The following FBXW12 variants were observed in gnomAD, a reference collection of about 807,000 sequenced individuals.
FBXW12 encodes F-box/WD repeat-containing protein 12.
Under a neutral mutation model 55.3 loss-of-function variants are expected in FBXW12, and 43 were observed. The ratio of observed to expected loss-of-function variants is 0.78; its 90% CI spans 0.61 to 1.00. The LOEUF is 1.00. Among genes scored for constraint, FBXW12 ranks in the 50% least tolerant of loss-of-function variants. FBXW12 has a pLI of 0.00. For missense variants in FBXW12, 524 were observed against 560.5 expected, an observed-to-expected ratio of 0.93 and a Z score of 0.66; for synonymous variants, 184 against 203.8, an observed-to-expected ratio of 0.90 and a Z score of 0.83.
intron 6 of FBXW12, among the ~76,000 whole-genome samples, chr3:48,379,101 A>G (rs1240620743): frequency 1.3e-5 from 2 of 152,212 alleles, no homozygotes; most frequent in Non-Finnish European, 2.9e-5. Flanking sequence ...TGTCCAGTCC[A>G]TGAACTTGGT....
At chr3:48,393,328 G>C (rs545212269) in intron 10 of FBXW12, among the ~76,000 whole-genome samples, 1 of 152,082 alleles carries the variant, frequency 6.6e-6, no homozygotes, top group Non-Finnish European at 1.5e-5. Context: ...TCAGTGCACC[G>C]GGGGAGATAG....
At chr3:48,393,769 A>AT (rs1384091406) in intron 10 of FBXW12, among the ~76,000 whole-genome samples, 3 of 138,054 alleles carry the variant, frequency 2.2e-5, no homozygotes, top group African/African-American at 8.3e-5. Context: ...ATGAGAAAAT[A>AT]TTTTTTTTCT....
chr3:48,392,450 C>CAAAAAAAAAA (rs33965777), intron 10 of FBXW12, among the ~76,000 whole-genome samples: 2 of 72,676 alleles, frequency 2.8e-5, no homozygotes, highest in Non-Finnish European at 4.9e-5. Context: ...CACTCAGTCT[C>CAAAAAAAAAA]AAAAAAAAAA....
Position 48,384,871 on chromosome 3 carries a change from A to G in FBXW12, c.1295+2786A>G, listed in dbSNP as rs186386622. Among the ~76,000 whole-genome samples, 34 of 152,300 alleles carry G rather than the reference A, an allele frequency of 2.2e-4. 1 individual carries two copies. The highest frequency in any genetic ancestry group is 3.1e-4 in the African/African-American group (13 of 41,564). On this transcript the variant is annotated intron_variant, in intron 10 of 10. Transcript: ENST00000296438. ...CTTATTAGTTTTTAATTAACAAATA[A>G]TTATATATTTATGGGGTACAATGTG...
intron 10 of FBXW12, among the ~76,000 whole-genome samples, chr3:48,385,339 TG>T (rs2036832997): frequency 7.0e-5 from 1 of 14,224 alleles, no homozygotes; most frequent in Non-Finnish European, 1.9e-4. Flanking sequence ...GGTATTCCAT[TG>T]TGTGTGTGTG....
chr3:48,374,391 G>A (rs535937173), intron 4 of FBXW12, among the ~76,000 whole-genome samples: 4 of 149,398 alleles, frequency 2.7e-5, no homozygotes, highest in East Asian at 2.0e-4. Flanking sequence ...GCAATGGCAC[G>A]ATCTCGGCTC....
intron 8 of FBXW12, 87 bp from the exon 9 acceptor site, chr3:48,381,613 T>C: frequency 7.2e-7 from 1 of 1,391,480 alleles, no homozygotes. Flanking sequence ...GCTTTTTTAT[T>C]CAGTGTGAGG....
chr3:48,376,310 A>G (rs1446504547), intron 5 of FBXW12, among the ~76,000 whole-genome samples: 2 of 152,148 alleles, frequency 1.3e-5, no homozygotes, highest in Non-Finnish European at 2.9e-5. Flanking sequence ...ATGTGTTTCT[A>G]TATATAAATT....
At chr3:48,375,538 C>T (rs368640910) in intron 5 of FBXW12, 66 bp downstream of exon 5, 4 of 927,080 alleles carry the variant, frequency 4.3e-6, no homozygotes, top group Admixed American at 5.4e-5. Flanking sequence ...ATATATGAAA[C>T]GGAAGTGCTG....
At chr3:48,390,261 A>G (rs1306154305) in intron 10 of FBXW12, among the ~76,000 whole-genome samples, 1 of 152,156 alleles carries the variant, frequency 6.6e-6, no homozygotes, top group Non-Finnish European at 1.5e-5. Context: ...GTTCTGTGAA[A>G]AATGACATTG....
At position 48,378,503 on chromosome 3, in the gene FBXW12, A is replaced by G. The variant is rs753031785; in HGVS notation, c.592A>G (p.Thr198Ala). 1 of 1,614,042 alleles carries G rather than the reference A, an allele frequency of 6.2e-7. No individual in the cohort carries two copies. Among genetic ancestry groups the G allele is most frequent in the Admixed American group, 1.7e-5 (1 of 60,018 alleles). ...QPCYCMEAYL[T>A]KDGPFLMVGD... ...CTGTTATTGCATGGAAGCCTATCTT[A>G]CAAAGGATGGCCCATTCCTGATGGT... is the stretch of plus-strand genomic sequence containing the variant. The change falls in exon 6 of 11, where the codon ACA becomes GCA. Residue 198 changes from threonine (T) to alanine (A), a missense_variant. By Grantham distance (58) the Thr-to-Ala change is moderately conservative. Transcript: ENST00000296438.
chr3:48,372,512 A>G, intron 1 of FBXW12, 172 bp from the exon 2 acceptor site: 1 of 979,990 alleles, frequency 1.0e-6, no homozygotes, highest in East Asian at 2.6e-5. Context: ...GGTGTTGCTG[A>G]GCTCCTCTAA....
chr3:48,378,622 T>G (rs1351663259), intron 6 of FBXW12, 96 bp downstream of exon 6: 2 of 989,768 alleles, frequency 2.0e-6, no homozygotes, highest in Admixed American at 5.4e-5. Flanking sequence ...CCTTTTTTTT[T>G]TTTTTTTTTG....
intron 10 of FBXW12, among the ~76,000 whole-genome samples, chr3:48,394,033 TC>T (rs1433002425): frequency 6.6e-6 from 1 of 151,862 alleles, no homozygotes; most frequent in Non-Finnish European, 1.5e-5. Context: ...CACCTCGGCC[TC>T]CCAAAGTGCT....
At chr3:48,378,170 T>C (rs533313028) in intron 5 of FBXW12, 147 bp from the exon 6 acceptor site, 3 of 639,986 alleles carry the variant, frequency 4.7e-6, no homozygotes, top group East Asian at 2.7e-5. Context: ...TCCTCCAAAA[T>C]ATTGAGATGT....
intron 10 of FBXW12, among the ~76,000 whole-genome samples, chr3:48,385,763 A>T (rs766531465): frequency 4.0e-4 from 61 of 152,086 alleles, no homozygotes; most frequent in Admixed American, 7.9e-4. Context: ...TTTATTTTGC[A>T]TTTCCCTGAT....
At chr3:48,394,539 A>G (rs2036978219) in intron 10 of FBXW12, 21 bp from the exon 11 acceptor site, 2 of 1,409,502 alleles carry the variant, frequency 1.4e-6, no homozygotes, top group Non-Finnish European at 2.0e-6. Context: ...TTCACTGATG[A>G]TCTTATTTTT....
chr3:48,391,306 A>G (rs952018217), intron 10 of FBXW12, among the ~76,000 whole-genome samples: 3 of 113,544 alleles, frequency 2.6e-5, no homozygotes, highest in Non-Finnish European at 5.3e-5. Context: ...AATACATATT[A>G]TATCTATCTA....
intron 10 of FBXW12, among the ~76,000 whole-genome samples, chr3:48,386,905 T>C (rs1385196178): frequency 6.6e-6 from 1 of 151,810 alleles, no homozygotes; most frequent in Non-Finnish European, 1.5e-5. Context: ...TCTGTGTTCA[T>C]GAAGGATATC....
Sources: gnomAD v4.1 joint callset for allele counts (sites outside exome capture counted in the v4.1 genomes callset) on GRCh38, gnomAD v4.1.1 for gene constraint, MANE v1.5 for transcripts, NCBI Gene and HGNC (gene_info 2026-07-23, HGNC 2026-07-21) for gene names.